Variants in RANGAP1 observed in about 807,000 individuals in gnomAD.
The protein encoded by RANGAP1 is Ran GTPase activating protein 1, also known as ran GTPase-activating protein 1.
RANGAP1 carries 38 observed loss-of-function variants against 63.5 expected under a neutral mutation model. That is an observed-to-expected ratio of 0.60 (90% CI 0.46 to 0.78). The LOEUF is 0.78. Among genes scored for constraint, RANGAP1 ranks in the 30% least tolerant of loss-of-function variants. The pLI, the probability that RANGAP1 is intolerant of heterozygous loss-of-function variation, is 0.00. For missense variants in RANGAP1, 630 were observed against 740.3 expected (o/e 0.85, Z 1.73); for synonymous variants, 329 against 310.5 (o/e 1.06, Z -0.63).
intron 1 of RANGAP1, chr22:41,282,513 G>C (rs538577912): frequency 6.6e-6 from 1 of 152,282 alleles, no homozygotes; most frequent in South Asian, 2.1e-4. Context: ...GTAGAGACAG[G>C]GTTTCACCGT....
chr22:41,249,709 G>A lies in RANGAP1; in HGVS notation c.1572+20C>T, dbSNP rs933752917. ...CCCCACCCACCTCCCTCCCGGGCCTGCTGTTCCTTCCGGCCTCACCTTGAG... is the reference window on the plus strand; with the variant it reads ...CCCCACCCACCTCCCTCCCGGGCCTACTGTTCCTTCCGGCCTCACCTTGAG... On this transcript the variant is annotated intron_variant, in intron 14 of 15. Coordinates refer to ENST00000356244, the MANE Select transcript of RANGAP1 (RefSeq NM_002883.4). 6.2e-7 allele frequency: 1 copy of A among 1,602,876 alleles called. No homozygotes were observed. The highest frequency in any genetic ancestry group is 8.5e-7 in the Non-Finnish European group (1 of 1,169,954).
upstream of RANGAP1, among the ~76,000 whole-genome samples, chr22:41,288,634 G>C (rs1243482754): frequency 6.6e-6 from 1 of 152,178 alleles, no homozygotes; most frequent in Non-Finnish European, 1.5e-5. Context: ...CCAAAGGGAA[G>C]AGGAAGGTGG....
Position 41,261,298 on chromosome 22 carries a change from C to T in RANGAP1, c.615+148G>A, listed in dbSNP as rs544968994. Reference sequence around the variant, plus strand: ...CACGACAGGAATTCTGGCTCATTTTCGGATGGGTTAACAGGCTTGGAGAGG... The same window carrying T: ...CACGACAGGAATTCTGGCTCATTTTTGGATGGGTTAACAGGCTTGGAGAGG... On this transcript the variant is annotated intron_variant, in intron 6 of 15. Coordinates refer to ENST00000356244, the MANE Select transcript of RANGAP1 (RefSeq NM_002883.4). 16 of 1,239,828 alleles carry T rather than the reference C, an allele frequency of 1.3e-5. No individual in the cohort carries two copies. The East Asian group carries it at 3.1e-4, about 24-fold the overall frequency. 76.8% of individuals were successfully genotyped at this position (1,239,828 alleles called of 1,614,324 possible). A position where few individuals can be genotyped will look rare whatever the true frequency, so the allele number is the denominator to read the frequency against.
chr22:41,249,490 G>C lies in RANGAP1; in HGVS notation c.1573-39C>G, dbSNP rs374116121. On this transcript the variant is annotated intron_variant, in intron 14 of 15. Transcript: ENST00000356244. The stretch of plus-strand genomic sequence containing the variant: ...AGCGAAAAGCGGGGTGAGCTTCAAA[G>C]TCACCTGGGGGGGCCCCTGGACTCC... 3 of 1,512,610 alleles carry C rather than the reference G, an allele frequency of 2.0e-6. No individual in the cohort carries two copies. The African/African-American group carries it at 7.5e-5, about 38-fold the overall frequency. The allele number at this position is 1,512,610 out of a possible 1,614,324, so 93.7% of individuals were successfully genotyped here.
chr22:41,265,341 G>C (rs766429134), intron 4 of RANGAP1, among the ~76,000 whole-genome samples: 22 of 152,258 alleles, frequency 1.4e-4, no homozygotes, highest in Non-Finnish European at 2.8e-4. Flanking sequence ...AGGTGGCTGA[G>C]GGATATGGAA....
chr22:41,281,145 G>A (rs1834519932), intron 1 of RANGAP1, 63 bp from the exon 2 acceptor site: 1 of 1,431,996 alleles, frequency 7.0e-7, no homozygotes. Flanking sequence ...TGGGGGCAGG[G>A]TAGGACATCA....
At chr22:41,263,417 T>C (rs1438690076) in intron 5 of RANGAP1, among the ~76,000 whole-genome samples, 1 of 152,162 alleles carries the variant, frequency 6.6e-6, no homozygotes, top group Non-Finnish European at 1.5e-5. Flanking sequence ...GGAGTTTTGC[T>C]CTTGTTGCCC....
chr22:41,295,000 C>G, the RANGAP1 span, among the ~76,000 whole-genome samples: 8 of 137,286 alleles, frequency 5.8e-5, no homozygotes, highest in Non-Finnish European at 1.3e-4. Context: ...CCCAGCCCGG[C>G]CAGCCAACCC....
Position 41,276,087 on chromosome 22 carries a change from T to A in RANGAP1, c.113-1360A>T, listed in dbSNP as rs543305762. ...GTTTCTGACTTGGAAAAATCTGTTA[T>A]AGCAATAAGTGAAAAATTAGGTTAC... On this transcript the variant is annotated intron_variant, in intron 2 of 15. Transcript: ENST00000356244. Among the ~76,000 whole-genome samples the A allele has an allele frequency of 6.6e-5, 10 of 152,324 alleles. No homozygotes were observed. In the South Asian group the frequency reaches 2.1e-3, roughly 32 times the overall value.
At chr22:41,300,650 T>C in the RANGAP1 span, among the ~76,000 whole-genome samples, 1 of 150,064 alleles carries the variant, frequency 6.7e-6, no homozygotes, top group African/African-American at 2.5e-5. Context: ...TTTTGTATTT[T>C]TGTAGAGATG....
rs1044454845 is a variant in RANGAP1, at chr22:41,245,269, T to G, written c.*1334A>C. On this transcript the variant is annotated 3_prime_UTR_variant, in exon 16 of 16. Coordinates refer to ENST00000356244, the MANE Select transcript of RANGAP1 (RefSeq NM_002883.4). ...ATGGGCTCCCAAAGCACATACATGGTGTAGGGTAGGAGGTAAGGAAGGTTG... is the reference window on the plus strand; with the variant it reads ...ATGGGCTCCCAAAGCACATACATGGGGTAGGGTAGGAGGTAAGGAAGGTTG... Among the ~76,000 whole-genome samples the G allele has an allele frequency of 1.3e-5, 2 of 151,902 alleles. No homozygotes were observed. The highest frequency in any genetic ancestry group is 2.9e-5 in the Non-Finnish European group (2 of 67,940).
intron 2 of RANGAP1, among the ~76,000 whole-genome samples, chr22:41,280,477 G>T (rs2035432625): frequency 6.6e-6 from 1 of 152,238 alleles, no homozygotes; most frequent in South Asian, 2.1e-4. Context: ...ACATCTGGTT[G>T]CATGAACCAG....
intron 3 of RANGAP1, among the ~76,000 whole-genome samples, chr22:41,268,500 C>G (rs1385376271): frequency 6.6e-6 from 1 of 151,956 alleles, no homozygotes; most frequent in Admixed American, 6.6e-5. Context: ...GGTGATCTGC[C>G]CACCTTGGTC....
At chr22:41,271,856 C>T (rs994287281) in intron 3 of RANGAP1, among the ~76,000 whole-genome samples, 3 of 152,200 alleles carry the variant, frequency 2.0e-5, no homozygotes, top group African/African-American at 7.2e-5. Flanking sequence ...GCACTACGCC[C>T]GGAACACTGG....
chr22:41,264,858 A>G lies in RANGAP1; in HGVS notation c.301-15T>C, dbSNP rs1290936535. 1 of 1,586,544 alleles carries G rather than the reference A, an allele frequency of 6.3e-7. No individual in the cohort carries two copies. Among genetic ancestry groups the G allele is most frequent in the Non-Finnish European group, 8.6e-7 (1 of 1,158,212 alleles). ...CCTAGTGAGATCTGGGCACAGAGGA[A>G]GCTCGTGTCAGTTTCATAGACACCC... is the stretch of plus-strand genomic sequence containing the variant. On this transcript the variant is annotated splice_polypyrimidine_tract_variant and intron_variant, in intron 4 of 15. Transcript: ENST00000356244.
intron 11 of RANGAP1, among the ~76,000 whole-genome samples, chr22:41,253,650 T>C (rs1185032588): frequency 1.3e-5 from 2 of 152,158 alleles, no homozygotes; most frequent in Middle Eastern, 3.2e-3. Flanking sequence ...TTCCTAAGGG[T>C]CACCAAGACA....
the RANGAP1 span, among the ~76,000 whole-genome samples, chr22:41,298,105 G>A: frequency 2.0e-5 from 3 of 151,346 alleles, no homozygotes; most frequent in African/African-American, 4.9e-5. Flanking sequence ...TGATCCACCC[G>A]CCTCTGCCTC....
In RANGAP1 at chr22:41,249,316, A is replaced by G; in HGVS notation, c.1694+14T>C. On this transcript the variant is annotated intron_variant, in intron 15 of 15. Transcript: ENST00000356244. ...AGAGGGCAGGCACCGGCAGAAGGAC[A>G]AGGCCACACTCACTTGGTCACGAAC... 1 of 1,584,298 alleles carries G rather than the reference A, an allele frequency of 6.3e-7. No individual in the cohort carries two copies. Among genetic ancestry groups the G allele is most frequent in the Non-Finnish European group, 8.6e-7 (1 of 1,163,968 alleles).
chr22:41,280,946 G>A lies in RANGAP1; in HGVS notation c.99C>T (p.Asn33=). Reference sequence around the variant, plus strand: ...CCAGAAACTCACCATCTTCTGCAGTGTTGAGTTTGAGGCTCTTGCCTTTGA... The same window carrying A: ...CCAGAAACTCACCATCTTCTGCAGTATTGAGTTTGAGGCTCTTGCCTTTGA... ...LSFKGKSLKL[N]TAEDAKDVIK... The change falls in exon 2 of 16, where the codon AAC becomes AAT. Residue 33 remains asparagine, a synonymous_variant. Transcript: ENST00000356244. 1.2e-6 allele frequency: 2 copies of A among 1,614,034 alleles called. No homozygotes were observed. The highest frequency in any genetic ancestry group is 1.6e-4 in the Middle Eastern group (1 of 6,062).
Sources: gnomAD v4.1 joint callset for allele counts (sites outside exome capture counted in the v4.1 genomes callset) on GRCh38, gnomAD v4.1.1 for gene constraint, MANE v1.5 for transcripts, NCBI Gene and HGNC (gene_info 2026-07-23, HGNC 2026-07-21) for gene names.